The following PLD5 variants were observed in gnomAD, a reference collection of about 807,000 sequenced individuals.
PLD5 encodes the protein inactive phospholipase D5.
Under a neutral mutation model 61.1 loss-of-function variants are expected in PLD5, and 36 were observed. The ratio of observed to expected loss-of-function variants is 0.59; its 90% CI spans 0.45 to 0.78. The LOEUF is 0.78. Ranked by LOEUF, PLD5 falls within the 30% of genes least tolerant of loss-of-function variation. PLD5 has a pLI of 0.00. For synonymous variants in PLD5, 243 were observed against 242.8 expected (o/e 1.00, Z -0.01); for missense variants, 515 against 644.4 (o/e 0.80, Z 2.17).
Position 242,476,836 on chromosome 1 carries a change from C to T in PLD5, c.189+47252G>A, listed in dbSNP as rs573183687. 7.2e-5 allele frequency among the ~76,000 whole-genome samples: 11 copies of T among 152,306 alleles called. No homozygotes were observed. The South Asian group carries it at 2.3e-3, about 32-fold the overall frequency. On this transcript the variant is annotated intron_variant, in intron 1 of 9. Coordinates refer to ENST00000536534, the MANE Select transcript of PLD5 (RefSeq NM_001372062.1). ...TGGGAAAATAATTCACACTTGTCCA[C>T]TACTGCAGTTCACACATACACAGGG...
intron 2 of PLD5, among the ~76,000 whole-genome samples, chr1:242,312,262 G>A (rs941948755): frequency 6.7e-6 from 1 of 150,286 alleles, no homozygotes. Flanking sequence ...AATGTCTTGC[G>A]ATCTTTTGTT....
intron 1 of PLD5, among the ~76,000 whole-genome samples, chr1:242,490,337 A>G (rs1266226394): frequency 6.6e-6 from 1 of 152,226 alleles, no homozygotes; most frequent in Non-Finnish European, 1.5e-5. Context: ...CTCTTTGGAG[A>G]CCACTGTTTT....
At chr1:242,160,775 C>T (rs1302629097) in intron 5 of PLD5, among the ~76,000 whole-genome samples, 1 of 152,006 alleles carries the variant, frequency 6.6e-6, no homozygotes, top group Non-Finnish European at 1.5e-5. Flanking sequence ...GTCCCAGCTA[C>T]TCTGGAGGCT....
chr1:242,199,840 A>G (rs1165239012), intron 5 of PLD5, among the ~76,000 whole-genome samples: 2 of 152,204 alleles, frequency 1.3e-5, no homozygotes, highest in African/African-American at 4.8e-5. Context: ...TGCAAAAGAC[A>G]TGATTTCATT....
intron 1 of PLD5, among the ~76,000 whole-genome samples, chr1:242,417,350 T>G (rs2580234): frequency 0.74 from 112,279 of 152,132 alleles, 42,626 homozygotes; most frequent in African/African-American, 0.92. Flanking sequence ...CCGCCAGTGT[T>G]CCATGTCAGT....
intron 8 of PLD5, among the ~76,000 whole-genome samples, chr1:242,106,354 A>G (rs973463827): frequency 2.0e-4 from 30 of 152,220 alleles, no homozygotes; most frequent in African/African-American, 7.2e-4. Context: ...TGACTGCATG[A>G]AACTTTGCAT....
intron 8 of PLD5, among the ~76,000 whole-genome samples, chr1:242,103,167 C>T (rs745457706): frequency 2.0e-5 from 3 of 152,128 alleles, no homozygotes; most frequent in Non-Finnish European, 4.4e-5. Flanking sequence ...CTAGACCTCA[C>T]GAATAACAGG....
chr1:242,177,394 A>C (rs1440635416), intron 5 of PLD5, among the ~76,000 whole-genome samples: 2 of 152,144 alleles, frequency 1.3e-5, no homozygotes, highest in Non-Finnish European at 1.5e-5. Flanking sequence ...GGAGGGGAAC[A>C]ACACACACCG....
chr1:242,124,564 C>T lies in PLD5; in HGVS notation c.837G>A (p.Val279=). Residue 279 remains valine (V), a synonymous_variant, in exon 6 of 10, where the codon GTG becomes GTA. Transcript: ENST00000536534. ...AGAGTCTTTTGGACCAGGTTTGAGG[C>T]ACTCTGCTTTTGAATTTTAATGAAC... The part of the protein sequence containing the change: ...LYSSLKFKSR[V]PQTWSKRLYG... 3 of 1,613,938 alleles carry T rather than the reference C, an allele frequency of 1.9e-6. No homozygotes were observed. Among genetic ancestry groups the T allele is most frequent in the Non-Finnish European group, 2.5e-6 (3 of 1,179,840 alleles).
At chr1:242,377,666 AAAAC>A (rs1206675138) in intron 1 of PLD5, among the ~76,000 whole-genome samples, 3 of 152,194 alleles carry the variant, frequency 2.0e-5, no homozygotes, top group Admixed American at 6.5e-5. Flanking sequence ...ATAAATAAAT[AAAAC>A]AAACAACAAA....
intron 2 of PLD5, among the ~76,000 whole-genome samples, chr1:242,301,904 A>C (rs1336877002): frequency 6.6e-6 from 1 of 151,866 alleles, no homozygotes; most frequent in African/African-American, 2.4e-5. Flanking sequence ...CAGCCTCCCG[A>C]GTAGCTGGGA....
intron 1 of PLD5, among the ~76,000 whole-genome samples, chr1:242,454,946 T>C (rs1236351874): frequency 6.6e-6 from 1 of 152,224 alleles, no homozygotes; most frequent in Non-Finnish European, 1.5e-5. Context: ...CCTGTTCTTC[T>C]TTTTTACCAC....
At chr1:242,479,321 G>A (rs1455913247) in intron 1 of PLD5, among the ~76,000 whole-genome samples, 1 of 152,068 alleles carries the variant, frequency 6.6e-6, no homozygotes, top group Non-Finnish European at 1.5e-5. Flanking sequence ...CTACTATTAA[G>A]TAAATTTAGC....
chr1:242,349,016 T>G (rs1459868707), intron 1 of PLD5, among the ~76,000 whole-genome samples: 3 of 152,198 alleles, frequency 2.0e-5, no homozygotes, highest in Non-Finnish European at 4.4e-5. Flanking sequence ...ATCGCACCAC[T>G]GCACTCCAGC....
rs976673874 is a variant in PLD5, at chr1:242,416,245, A to C, written c.190-68003T>G. Among the ~76,000 whole-genome samples the C allele has an allele frequency of 4.6e-5, 7 of 152,228 alleles. No homozygotes were observed. In the South Asian group the frequency reaches 1.5e-3, roughly 32 times the overall value. On this transcript the variant is annotated intron_variant, in intron 1 of 9. Transcript: ENST00000536534. ...ATAGAAGATAATCAGAAAAGCTATA[A>C]AGGAAATTAGGTTGGCCATACATTG... is the stretch of plus-strand genomic sequence containing the variant.
intron 2 of PLD5, among the ~76,000 whole-genome samples, chr1:242,295,964 G>A (rs572569145): frequency 2.0e-5 from 3 of 152,264 alleles, no homozygotes; most frequent in East Asian, 3.9e-4. Context: ...AATTCAAAAC[G>A]AAAGGGTTTG....
At chr1:242,466,437 G>A (rs1667279006) in intron 1 of PLD5, among the ~76,000 whole-genome samples, 1 of 152,010 alleles carries the variant, frequency 6.6e-6, no homozygotes, top group South Asian at 2.1e-4. Flanking sequence ...TTATCTAATG[G>A]GTAAAGAAAA....
chr1:242,421,449 T>C (rs1417040839), intron 1 of PLD5, among the ~76,000 whole-genome samples: 1 of 152,208 alleles, frequency 6.6e-6, no homozygotes, highest in Non-Finnish European at 1.5e-5. Context: ...AAGGTCAATC[T>C]GAACCTTGTA....
chr1:242,451,949 G>A (rs1001387741), intron 1 of PLD5, among the ~76,000 whole-genome samples: 1 of 152,114 alleles, frequency 6.6e-6, no homozygotes, highest in African/African-American at 2.4e-5. Context: ...AATACCTCCA[G>A]GCCTTTGCAC....
Sources: gnomAD v4.1 joint callset for allele counts (sites outside exome capture counted in the v4.1 genomes callset) on GRCh38, gnomAD v4.1.1 for gene constraint, MANE v1.5 for transcripts, NCBI Gene and HGNC (gene_info 2026-07-23, HGNC 2026-07-21) for gene names.